Variants in CDH5 observed in about 807,000 individuals in gnomAD.
The protein encoded by CDH5 is cadherin-5.
Under a neutral mutation model 62.0 loss-of-function variants are expected in CDH5, and 28 were observed. The observed-to-expected ratio is 0.45, with a 90% CI of 0.33 to 0.62. The LOEUF is 0.62. Ranked by LOEUF, CDH5 falls within the 20% of genes least tolerant of loss-of-function variation. The probability of loss-of-function intolerance (pLI) is 0.02; values close to 1 mark genes in which losing one functional copy is unlikely to be tolerated. For synonymous variants in CDH5, 464 were observed against 445.8 expected (o/e 1.04, Z -0.52); for missense variants, 940 against 1,065.1 (o/e 0.88, Z 1.63).
chr16:66,386,852 A>C lies in CDH5; in HGVS notation c.254A>C (p.Lys85Thr). The C allele has an allele frequency of 4.3e-6, 7 of 1,614,080 alleles. No homozygotes were observed. Among genetic ancestry groups the C allele is most frequent in the Non-Finnish European group, 5.9e-6 (7 of 1,179,966 alleles). ...CGCAAGAATGCCAAGTACCTGCTCA[A>C]AGGAGAATATGTGGGCAAGGTCTTC... Reference protein sequence around the residue: ...VSRKNAKYLLKGEYVGKVFRV... With the variant: ...VSRKNAKYLLTGEYVGKVFRV... The change falls in exon 3 of 12, where the codon AAA becomes ACA. Residue 85 changes from lysine to threonine, a missense_variant. Physicochemically the swap from Lys to Thr is moderately conservative, Grantham distance 78. Coordinates refer to ENST00000341529, the MANE Select transcript of CDH5 (RefSeq NM_001795.5).
chr16:66,388,049 C>T (rs2142327551), intron 3 of CDH5, among the ~76,000 whole-genome samples: 1 of 152,322 alleles, frequency 6.6e-6, no homozygotes, highest in South Asian at 2.1e-4. Context: ...ATTTCTCTCC[C>T]TGACCCCAAC....
At chr16:66,398,205 T>C in intron 9 of CDH5, 99 bp downstream of exon 9, 2 of 1,385,554 alleles carry the variant, frequency 1.4e-6, no homozygotes, top group East Asian at 2.3e-5. Flanking sequence ...CCCTGTACAA[T>C]AGCCTTGAGG....
At chr16:66,383,096 G>A (rs886242544) in intron 2 of CDH5, among the ~76,000 whole-genome samples, 3 of 152,042 alleles carry the variant, frequency 2.0e-5, no homozygotes, top group African/African-American at 4.8e-5. Flanking sequence ...CAAACCTGTC[G>A]AGGTCATCAG....
rs747432980 is a variant in CDH5, at chr16:66,402,683, G to A, written c.1869G>A (p.Arg623=). The part of the protein sequence containing the change: ...VITLLIFLRR[R]LRKQARAHGK... ...CCCTGCTCATCTTCCTGCGGCGGCGGCTCCGGAAGCAGGCCCGCGCGCACG... is the reference window on the plus strand; with the variant it reads ...CCCTGCTCATCTTCCTGCGGCGGCGACTCCGGAAGCAGGCCCGCGCGCACG... Residue 623 remains arginine, a synonymous_variant, in exon 12 of 12, where the codon CGG becomes CGA. Transcript: ENST00000341529. 1 of 1,604,696 alleles carries A rather than the reference G, an allele frequency of 6.2e-7. No homozygotes were observed. The highest frequency in any genetic ancestry group is 8.5e-7 in the Non-Finnish European group (1 of 1,176,936).
chr16:66,378,933 T>G (rs562540024), intron 1 of CDH5, among the ~76,000 whole-genome samples: 78 of 152,290 alleles, frequency 5.1e-4, no homozygotes, highest in Non-Finnish European at 9.9e-4. Context: ...CCACCATATA[T>G]GGGCGATCGG....
chr16:66,381,868 A>C (rs1207585987), intron 2 of CDH5, among the ~76,000 whole-genome samples: 2 of 152,252 alleles, frequency 1.3e-5, no homozygotes, highest in African/African-American at 2.4e-5. Context: ...GTGGTGACAA[A>C]GACCAAATGA....
intron 1 of CDH5, among the ~76,000 whole-genome samples, chr16:66,371,330 C>A (rs1282377094): frequency 1.3e-5 from 2 of 152,132 alleles, no homozygotes; most frequent in Non-Finnish European, 2.9e-5. Context: ...TCTTCAGTGC[C>A]CCCACTCCAG....
intron 11 of CDH5, among the ~76,000 whole-genome samples, chr16:66,401,625 C>T (rs774393978): frequency 6.6e-6 from 1 of 152,102 alleles, no homozygotes; most frequent in East Asian, 1.9e-4. Context: ...TGGTTTATTT[C>T]CCTGGATACC....
chr16:66,379,811 A>G (rs1567461867), intron 2 of CDH5, among the ~76,000 whole-genome samples: 1 of 150,654 alleles, frequency 6.6e-6, no homozygotes, highest in African/African-American at 2.4e-5. Context: ...AGTGGTGAGA[A>G]TGGTGGTGAT....
chr16:66,392,025 C>G, intron 6 of CDH5, 111 bp from the exon 7 acceptor site: 7 of 1,339,330 alleles, frequency 5.2e-6, no homozygotes, highest in Non-Finnish European at 7.3e-6. Context: ...GGCCCCTCAT[C>G]TATAAAATGG....
At chr16:66,383,913 C>T (rs1014839018) in intron 2 of CDH5, among the ~76,000 whole-genome samples, 6 of 151,996 alleles carry the variant, frequency 3.9e-5, no homozygotes, top group African/African-American at 1.5e-4. Context: ...AACTTCCCAC[C>T]CTATCAACCC....
intron 2 of CDH5, among the ~76,000 whole-genome samples, chr16:66,382,734 G>A (rs924111625): frequency 3.9e-5 from 6 of 152,140 alleles, no homozygotes; most frequent in African/African-American, 1.4e-4. Flanking sequence ...GGGTCGTCAC[G>A]CTGGGAAGAA....
chr16:66,384,253 A>AT (rs60072358), intron 2 of CDH5, among the ~76,000 whole-genome samples: 33 of 143,378 alleles, frequency 2.3e-4, no homozygotes, highest in South Asian at 4.5e-4. Flanking sequence ...CACCCAGCTA[A>AT]TTTTTTTTTT....
chr16:66,396,339 A>G (rs1961185403), intron 8 of CDH5, 138 bp downstream of exon 8: 1 of 994,272 alleles, frequency 1.0e-6, no homozygotes, highest in Non-Finnish European at 1.5e-6. Context: ...GGGATGCTAT[A>G]GAGCTCCCAT....
At chr16:66,384,123 C>T (rs930385999) in intron 2 of CDH5, among the ~76,000 whole-genome samples, 6 of 122,888 alleles carry the variant, frequency 4.9e-5, no homozygotes, top group Admixed American at 1.1e-4. Context: ...CTCGCTCTGT[C>T]ACCCAGGCTG....
chr16:66,379,581 C>T, intron 2 of CDH5, 34 bp downstream of exon 2: 1 of 1,588,762 alleles, frequency 6.3e-7, no homozygotes, highest in Non-Finnish European at 8.6e-7. Flanking sequence ...GAGAAGCCAT[C>T]AGCAGCTGGC....
Position 66,381,647 on chromosome 16 carries a change from C to T in CDH5, c.210+2100C>T, listed in dbSNP as rs151107101. On this transcript the variant is annotated intron_variant, in intron 2 of 11. Coordinates refer to ENST00000341529, the MANE Select transcript of CDH5 (RefSeq NM_001795.5). ...ACCATTCCAAGCACCGGACTGGGTG[C>T]CAGAAAGGTAACAACAGTGGGCTAA... Among the ~76,000 whole-genome samples the T allele has an allele frequency of 2.0e-5, 3 of 152,294 alleles. No homozygotes were observed. In the East Asian group the frequency reaches 5.8e-4, roughly 29 times the overall value.
At chr16:66,375,932 C>G (rs910351158) in intron 1 of CDH5, among the ~76,000 whole-genome samples, 1 of 151,860 alleles carries the variant, frequency 6.6e-6, no homozygotes, top group Non-Finnish European at 1.5e-5. Flanking sequence ...CAAGGTGAAA[C>G]CCCGTCTCTA....
At chr16:66,369,738 A>G (rs1487882624) in intron 1 of CDH5, among the ~76,000 whole-genome samples, 1 of 152,178 alleles carries the variant, frequency 6.6e-6, no homozygotes, top group Non-Finnish European at 1.5e-5. Context: ...AATTTGTTTC[A>G]CATCACAAAA....
Sources: gnomAD v4.1 joint callset for allele counts (sites outside exome capture counted in the v4.1 genomes callset) on GRCh38, gnomAD v4.1.1 for gene constraint, MANE v1.5 for transcripts, NCBI Gene and HGNC (gene_info 2026-07-23, HGNC 2026-07-21) for gene names.